SLC22A16: variants seen among roughly 807,000 people sequenced by gnomAD.
SLC22A16 encodes solute carrier family 22 member 16.
In SLC22A16, 53 loss-of-function variants were observed where a neutral mutation model predicts 52.9. The observed-to-expected ratio is 1.00, with a 90% CI of 0.80 to 1.26. SLC22A16 has a LOEUF of 1.26. SLC22A16 is among the 50% of genes most tolerant of loss of function. The pLI is 0.00. For missense variants in SLC22A16, 726 were observed against 704.0 expected (o/e 1.03, Z -0.35); for synonymous variants, 291 against 268.8 (o/e 1.08, Z -0.81).
At chr6:110,467,313 G>C (rs1776105221) in intron 1 of SLC22A16, among the ~76,000 whole-genome samples, 1 of 151,738 alleles carries the variant, frequency 6.6e-6, no homozygotes, top group South Asian at 2.1e-4. Context: ...GCATTTTCTA[G>C]TCCCCACTTT....
intron 5 of SLC22A16, among the ~76,000 whole-genome samples, chr6:110,436,836 A>G (rs1774751145): frequency 6.6e-6 from 1 of 152,128 alleles, no homozygotes; most frequent in African/African-American, 2.4e-5. Flanking sequence ...TATTCTCCCT[A>G]ATGTGTTCCA....
chr6:110,436,049 T>C, intron 5 of SLC22A16, 88 bp from the exon 6 acceptor site: 1 of 828,904 alleles, frequency 1.2e-6, no homozygotes. Flanking sequence ...TAAAACATTC[T>C]AATTCCTTCA....
chr6:110,465,483 C>T (rs897713151), intron 1 of SLC22A16, among the ~76,000 whole-genome samples: 2 of 152,066 alleles, frequency 1.3e-5, no homozygotes, highest in South Asian at 4.1e-4. Flanking sequence ...AAATCAGTTG[C>T]ATTTCTATAC....
At chr6:110,466,154 C>A (rs115693238) in intron 1 of SLC22A16, among the ~76,000 whole-genome samples, 3,454 of 152,138 alleles carry the variant, frequency 0.023, 124 homozygotes, top group African/African-American at 0.079. Context: ...GAATTAAAGG[C>A]CTAAATGTAA....
At chr6:110,472,353 T>C (rs1213866072) in intron 1 of SLC22A16, among the ~76,000 whole-genome samples, 2 of 152,112 alleles carry the variant, frequency 1.3e-5, no homozygotes, top group Non-Finnish European at 2.9e-5. Context: ...ATCTAGGTCT[T>C]CACTGGCCCC....
At chr6:110,463,514 T>TAAAAAAAAAAAAA (rs386408237) in intron 1 of SLC22A16, among the ~76,000 whole-genome samples, 96 of 53,226 alleles carry the variant, frequency 1.8e-3, no homozygotes, top group African/African-American at 2.6e-3. Flanking sequence ...GTAACAACAG[T>TAAAAAAAAAAAAA]AAAAAAAAAA....
intron 4 of SLC22A16, among the ~76,000 whole-genome samples, chr6:110,439,115 C>T (rs548793081): frequency 6.6e-6 from 1 of 152,344 alleles, no homozygotes; most frequent in South Asian, 2.1e-4. Context: ...CAAATTCCCA[C>T]CAGCCCCAAA....
At chr6:110,456,283 C>T in intron 2 of SLC22A16, 2 of 438,822 alleles carry the variant, frequency 4.6e-6, no homozygotes, top group Non-Finnish European at 4.0e-6. Context: ...GATTCTGAAA[C>T]ACAGGTAAGT....
intron 6 of SLC22A16, among the ~76,000 whole-genome samples, chr6:110,432,815 G>C (rs1774559845): frequency 6.6e-6 from 1 of 152,094 alleles, no homozygotes; most frequent in Admixed American, 6.5e-5. Context: ...TATGATCTGA[G>C]AAGAGTCCAC....
At chr6:110,473,746 C>T (rs988763543) in intron 1 of SLC22A16, among the ~76,000 whole-genome samples, 13 of 151,384 alleles carry the variant, frequency 8.6e-5, no homozygotes, top group Admixed American at 1.3e-4. Flanking sequence ...AGGATGGTCT[C>T]GAGCTCCCGA....
rs1775006213 is a variant in SLC22A16 at position 110,442,433 on chromosome 6, CT to C, written c.993del (p.Gly332ValfsTer33). On this transcript the variant is annotated frameshift_variant, in exon 4 of 8. Coordinates refer to ENST00000368919, the MANE Select transcript of SLC22A16 (RefSeq NM_033125.4). LOFTEE classifies it high-confidence loss of function. ...KLSELLSLDL[Q>X]GPVSNSPTEV... ...TCAGTGGGGCTATTACTAACAGGACCTTGTAGGTCCAGTGATAAAAGTTCTG... is the reference window on the plus strand; with the variant it reads ...TCAGTGGGGCTATTACTAACAGGACCTGTAGGTCCAGTGATAAAAGTTCTG... The C allele has an allele frequency of 1.9e-6, 3 of 1,614,072 alleles. No homozygotes were observed. The Admixed American group carries it at 5.0e-5, about 27-fold the overall frequency.
chr6:110,431,898 C>A (rs1774520799), intron 6 of SLC22A16, among the ~76,000 whole-genome samples: 1 of 152,072 alleles, frequency 6.6e-6, no homozygotes, highest in African/African-American at 2.4e-5. Flanking sequence ...GTGTACTGAT[C>A]CAGCCTAACA....
rs1775924541 is a variant in SLC22A16, at chr6:110,462,593, T to A, written c.54-5576A>T. On this transcript the variant is annotated intron_variant, in intron 1 of 7. Transcript: ENST00000368919. ...CAAACAAAAATAAAGAAAAAAGAAT[T>A]TTTTAATGAATAAAGTCTTTGAGAA... 2.0e-5 allele frequency among the ~76,000 whole-genome samples: 3 copies of A among 152,146 alleles called. No homozygotes were observed. In the South Asian group the frequency reaches 6.2e-4, roughly 31 times the overall value.
intron 1 of SLC22A16, among the ~76,000 whole-genome samples, chr6:110,459,084 A>G (rs1033637468): frequency 6.6e-6 from 1 of 152,192 alleles, no homozygotes; most frequent in South Asian, 2.1e-4. Flanking sequence ...TCATATAAAT[A>G]AATGAATGAA....
chr6:110,440,549 G>C (rs200672161), intron 4 of SLC22A16, among the ~76,000 whole-genome samples: 2 of 152,182 alleles, frequency 1.3e-5, no homozygotes, highest in African/African-American at 4.8e-5. Context: ...AGGCCAAGGC[G>C]GGTGGATCAC....
rs574728416 is a variant in SLC22A16 at position 110,460,507 on chromosome 6, C to A, written c.54-3490G>T. On this transcript the variant is annotated intron_variant, in intron 1 of 7. Transcript: ENST00000368919. Reference sequence around the variant, plus strand: ...GGGGTGCATCCCTTCTCACCTCACCCCTGTAACAAACTGCTGACTACCAAA... The same window carrying A: ...GGGGTGCATCCCTTCTCACCTCACCACTGTAACAAACTGCTGACTACCAAA... Among the ~76,000 whole-genome samples the A allele has an allele frequency of 1.5e-3, 221 of 152,132 alleles. 2 individuals are homozygous for A. The highest frequency in any genetic ancestry group is 5.6e-3 in the South Asian group (27 of 4,810).
At chr6:110,457,376 AG>A (rs1775703258) in intron 1 of SLC22A16, among the ~76,000 whole-genome samples, 1 of 152,212 alleles carries the variant, frequency 6.6e-6, no homozygotes, top group Non-Finnish European at 1.5e-5. Context: ...CCATAAAGTA[AG>A]GAAATACTCA....
At chr6:110,435,685 G>A (rs1774694770) in intron 6 of SLC22A16, among the ~76,000 whole-genome samples, 167 bp downstream of exon 6, 1 of 152,152 alleles carries the variant, frequency 6.6e-6, no homozygotes, top group South Asian at 2.1e-4. Context: ...CACTAATAGG[G>A]TACAAAGCCT....
In SLC22A16 at chr6:110,425,906, G is replaced by A. The variant is rs978020830; in HGVS notation, c.1522-821C>T. On this transcript the variant is annotated intron_variant, in intron 7 of 7. Transcript: ENST00000368919. ...TCCTTACTTAATTCAAACTCCTTTA[G>A]CAAAATATATTTGCTGGAAAGACCC... is the stretch of plus-strand genomic sequence containing the variant. 1.6e-4 allele frequency among the ~76,000 whole-genome samples: 25 copies of A among 152,096 alleles called. 1 individual carries two copies. Among genetic ancestry groups the A allele is most frequent in the African/African-American group, 5.8e-4 (24 of 41,414 alleles).
Sources: allele counts gnomAD v4.1 joint callset (sites outside exome capture counted in the v4.1 genomes callset), GRCh38; gene constraint gnomAD v4.1.1; transcripts MANE v1.5; gene names NCBI Gene and HGNC (gene_info 2026-07-23, HGNC 2026-07-21).